Variants in TBXAS1 observed in about 807,000 individuals in gnomAD.
TBXAS1 encodes the protein thromboxane A synthase 1.
Under a neutral mutation model 60.7 loss-of-function variants are expected in TBXAS1, and 48 were observed. The observed-to-expected ratio is 0.79, with a 90% CI of 0.63 to 1.01. The LOEUF is 1.01. Ranked by LOEUF, TBXAS1 falls within the 50% of genes least tolerant of loss-of-function variation. The pLI is 0.00. For synonymous variants in TBXAS1, 287 were observed against 269.7 expected, an observed-to-expected ratio of 1.06 and a Z score of -0.63; for missense variants, 685 against 686.3, an observed-to-expected ratio of 1.00 and a Z score of 0.02.
chr7:139,913,224 C>T (rs1477604758), intron 4 of TBXAS1: 3 of 685,990 alleles, frequency 4.4e-6, no homozygotes, highest in Non-Finnish European at 8.1e-6. Flanking sequence ...CTTTCCCAAA[C>T]ACTGCATTGC....
rs1456180029 is a variant in TBXAS1, at chr7:139,958,375, T to C, written c.819+611T>C. Among the ~76,000 whole-genome samples the C allele has an allele frequency of 3.9e-5, 6 of 152,234 alleles. No individual in the cohort carries two copies. The East Asian group carries it at 1.2e-3, about 29-fold the overall frequency. On this transcript the variant is annotated intron_variant, in intron 8 of 12. Coordinates refer to ENST00000448866, the MANE Select transcript of TBXAS1 (RefSeq NM_001061.7). Reference sequence around the variant, plus strand: ...ACATAGTAGGAATCAAGTAAATATTTGTTGATTGAACTTGGCTAAAATAGA... The same window carrying C: ...ACATAGTAGGAATCAAGTAAATATTCGTTGATTGAACTTGGCTAAAATAGA...
chr7:139,847,099 C>T (rs1799871865), intron 1 of TBXAS1, among the ~76,000 whole-genome samples: 2 of 152,152 alleles, frequency 1.3e-5, no homozygotes, highest in African/African-American at 4.8e-5. Context: ...CTGTTTACCT[C>T]TCAGTTGTAG....
chr7:139,928,954 T>C (rs1807094321), intron 4 of TBXAS1, among the ~76,000 whole-genome samples: 1 of 152,062 alleles, frequency 6.6e-6, no homozygotes, highest in Non-Finnish European at 1.5e-5. Context: ...TTCATGAAAG[T>C]GAATAAGAGT....
chr7:140,018,759 G>A (rs955643609), intron 12 of TBXAS1, among the ~76,000 whole-genome samples: 2 of 152,224 alleles, frequency 1.3e-5, no homozygotes, highest in African/African-American at 2.4e-5. Context: ...GTGATGGCAG[G>A]GACCCAGTCT....
chr7:139,789,416 TAAA>T (rs1172061596), intron 4 of TBXAS1: 1 of 152,076 alleles, frequency 6.6e-6, no homozygotes, highest in African/African-American at 2.4e-5. Context: ...GGCTAAGTTT[TAAA>T]ACTTTTTTGT....
At chr7:139,849,127 C>T (rs1223078112) in intron 1 of TBXAS1, among the ~76,000 whole-genome samples, 1 of 151,938 alleles carries the variant, frequency 6.6e-6, no homozygotes, top group African/African-American at 2.4e-5. Context: ...TTTTGGGAGG[C>T]TCACTTTGGG....
intron 4 of TBXAS1, among the ~76,000 whole-genome samples, chr7:139,791,613 T>G (rs1797383867): frequency 6.6e-6 from 1 of 152,154 alleles, no homozygotes; most frequent in Non-Finnish European, 1.5e-5. Flanking sequence ...CAGAGTATGT[T>G]GTATTGTGTA....
intron 5 of TBXAS1, chr7:139,952,821 C>A: frequency 1.1e-6 from 1 of 919,490 alleles, no homozygotes; most frequent in Non-Finnish European, 1.5e-6. Context: ...GCGGCTTAAG[C>A]ACAAAAGAAT....
rs752977856 is a variant in TBXAS1 at position 139,872,246 on chromosome 7, C to G, written c.101C>G (p.Ser34Ter). The G allele has an allele frequency of 4.3e-6, 7 of 1,613,896 alleles. No homozygotes were observed. The highest frequency in any genetic ancestry group is 1.3e-5 in the African/African-American group (1 of 74,936). ...GCTTTTCCCTCCAGGTACTCCACAT[C>G]AGCATTCTCAAGACTGGAGAAGTTA... ...LLALLKWYST[S>*]AFSRLEKLGL... Residue 34 changes from serine to a stop codon, truncating the protein, a stop_gained, in exon 2 of 13, where the codon TCA (serine) becomes TGA (stop). Coordinates refer to ENST00000448866, the MANE Select transcript of TBXAS1 (RefSeq NM_001061.7). LOFTEE classifies it high-confidence loss of function.
At chr7:139,963,714 C>T (rs1810548029) in intron 9 of TBXAS1, among the ~76,000 whole-genome samples, 1 of 152,026 alleles carries the variant, frequency 6.6e-6, no homozygotes, top group African/African-American at 2.4e-5. Context: ...ATAACAGAAC[C>T]CCAACCCAAC....
intron 1 of TBXAS1, 111 bp downstream of exon 1, chr7:139,829,590 A>G: frequency 1.0e-6 from 1 of 971,250 alleles, no homozygotes; most frequent in Admixed American, 2.0e-5. Context: ...TTTCTAATCT[A>G]GCGGGAGTGA....
chr7:139,860,880 A>G (rs950835088), intron 1 of TBXAS1, among the ~76,000 whole-genome samples: 1 of 152,240 alleles, frequency 6.6e-6, no homozygotes, highest in African/African-American at 2.4e-5. Flanking sequence ...TTACCTAAAA[A>G]TATTCCTTCG....
intron 9 of TBXAS1, among the ~76,000 whole-genome samples, chr7:139,988,992 G>A (rs932104768): frequency 6.6e-6 from 1 of 152,170 alleles, no homozygotes; most frequent in Admixed American, 6.5e-5. Context: ...GGCAACTCCC[G>A]AAGTGGGCTG....
In TBXAS1 at chr7:139,802,396, G is replaced by A. The variant is rs139567803; in HGVS notation, c.-80+14970G>A. Among the ~76,000 whole-genome samples the A allele has an allele frequency of 5.2e-3, 790 of 152,270 alleles. 3 individuals carry two copies. The highest frequency in any genetic ancestry group is 7.5e-3 in the Non-Finnish European group (509 of 68,022). ...CATAATCCCTACATGTTGTTGGAGGGACCCAGTGGGAGGTCATTGAATCAT... is the reference window on the plus strand; with the variant it reads ...CATAATCCCTACATGTTGTTGGAGGAACCCAGTGGGAGGTCATTGAATCAT... On this transcript the variant is annotated intron_variant, in intron 4 of 16. Transcript: ENST00000336425.
chr7:139,959,255 T>C (rs1021013944), intron 8 of TBXAS1, among the ~76,000 whole-genome samples: 5 of 152,202 alleles, frequency 3.3e-5, no homozygotes, highest in African/African-American at 9.6e-5. Context: ...GACAGAGCTA[T>C]ACGGTTACTA....
rs539322061 is a variant in TBXAS1 at position 139,832,691 on chromosome 7, T to A, written c.89+3212T>A. Among the ~76,000 whole-genome samples the A allele has an allele frequency of 1.5e-4, 23 of 152,302 alleles. No homozygotes were observed. The South Asian group carries it at 4.8e-3, about 32-fold the overall frequency. On this transcript the variant is annotated intron_variant, in intron 1 of 12. Coordinates refer to ENST00000448866, the MANE Select transcript of TBXAS1 (RefSeq NM_001061.7). The stretch of plus-strand genomic sequence containing the variant: ...TCCAGAGTTGAGACAAAGGAAAGAA[T>A]CTTAAGAGTTGTGAGACAGAAGAAC...
Position 140,004,027 on chromosome 7 carries a change from A to G in TBXAS1, c.1135-3064A>G, listed in dbSNP as rs1162780737. ...ATTCATTTCTTCTTTCTTGAGGCCAACTGCTGTTTTCTGCTCATTAATCCA... is the reference window on the plus strand; with the variant it reads ...ATTCATTTCTTCTTTCTTGAGGCCAGCTGCTGTTTTCTGCTCATTAATCCA... On this transcript the variant is annotated intron_variant, in intron 9 of 12. Transcript: ENST00000448866. The surrounding 1 kb of genome is among the most constrained non-coding windows in gnomAD (Gnocchi z 5.1). 6.6e-6 allele frequency among the ~76,000 whole-genome samples: 1 copy of G among 152,146 alleles called. No individual in the cohort carries two copies. The highest frequency in any genetic ancestry group is 1.5e-5 in the Non-Finnish European group (1 of 68,024).
At chr7:139,790,492 A>C (rs888351858) in intron 4 of TBXAS1, among the ~76,000 whole-genome samples, 1 of 152,250 alleles carries the variant, frequency 6.6e-6, no homozygotes. Flanking sequence ...ACTTCTGTCA[A>C]AACAACAAAA....
chr7:139,940,715 G>C (rs947023241), intron 5 of TBXAS1, among the ~76,000 whole-genome samples: 1 of 152,162 alleles, frequency 6.6e-6, no homozygotes, highest in African/African-American at 2.4e-5. Context: ...CCTTCTGCTA[G>C]ATGGATGCTT....
Sources: allele counts gnomAD v4.1 joint callset (sites outside exome capture counted in the v4.1 genomes callset), GRCh38; gene constraint gnomAD v4.1.1; non-coding constraint Gnocchi (gnomAD v3.1); transcripts MANE v1.5; gene names NCBI Gene and HGNC (gene_info 2026-07-23, HGNC 2026-07-21).